UBE2E2: variants seen among roughly 807,000 people sequenced by gnomAD.
The protein encoded by UBE2E2 is ubiquitin-conjugating enzyme E2 E2.
A neutral mutation model predicts 24.7 loss-of-function variants in UBE2E2; 6 were observed. The ratio of observed to expected loss-of-function variants is 0.24; its 90% confidence interval spans 0.13 to 0.48. The LOEUF is 0.48. Ranked by LOEUF, UBE2E2 falls within the 20% of genes least tolerant of loss-of-function variation. The pLI is 0.99. For synonymous variants in UBE2E2, 104 were observed against 83.6 expected (o/e 1.24, Z -1.33); for missense variants, 169 against 245.0 (o/e 0.69, Z 2.07).
At chr3:23,337,488 A>G (rs1695244170) in intron 3 of UBE2E2, among the ~76,000 whole-genome samples, 1 of 152,188 alleles carries the variant, frequency 6.6e-6, no homozygotes, top group African/African-American at 2.4e-5. Context: ...TGAATTACAG[A>G]TGAGTTTAGC....
chr3:23,392,551 A>T (rs1284744811), intron 3 of UBE2E2, among the ~76,000 whole-genome samples: 1 of 152,196 alleles, frequency 6.6e-6, no homozygotes, highest in Non-Finnish European at 1.5e-5. Context: ...TATTAAGAGC[A>T]TCTACCTTAT....
At chr3:23,421,934 A>G (rs1697810779) in intron 3 of UBE2E2, among the ~76,000 whole-genome samples, 1 of 152,204 alleles carries the variant, frequency 6.6e-6, no homozygotes, top group African/African-American at 2.4e-5. Flanking sequence ...TTTCCCAAAT[A>G]ATAGCACAGT....
intron 5 of UBE2E2, among the ~76,000 whole-genome samples, chr3:23,555,650 AT>A (rs2125501127): frequency 6.6e-6 from 1 of 152,206 alleles, no homozygotes; most frequent in Admixed American, 6.5e-5. Context: ...ACTGTGGTGT[AT>A]ACATACATAC....
chr3:23,586,607 A>AT (rs1295218079), intron 5 of UBE2E2, among the ~76,000 whole-genome samples: 2 of 152,032 alleles, frequency 1.3e-5, no homozygotes, highest in Non-Finnish European at 2.9e-5. Flanking sequence ...CAATAACATG[A>AT]TTTTTTTAAT....
intron 3 of UBE2E2, among the ~76,000 whole-genome samples, chr3:23,445,879 G>C (rs2125412142): frequency 6.6e-6 from 1 of 152,272 alleles, no homozygotes; most frequent in South Asian, 2.1e-4. Flanking sequence ...TTTTCTAGCA[G>C]AAAGTTCTTC....
intron 3 of UBE2E2, among the ~76,000 whole-genome samples, chr3:23,337,801 G>A (rs1428258937): frequency 6.6e-6 from 1 of 152,184 alleles, no homozygotes; most frequent in African/African-American, 2.4e-5. Flanking sequence ...AGATCATGCA[G>A]TGTATTTTAG....
At chr3:23,246,951 G>A (rs766152663) in intron 3 of UBE2E2, among the ~76,000 whole-genome samples, 7 of 151,860 alleles carry the variant, frequency 4.6e-5, no homozygotes, top group Non-Finnish European at 8.8e-5. Context: ...CTGAGCTCAA[G>A]GGTTCTTCTT....
intron 3 of UBE2E2, among the ~76,000 whole-genome samples, chr3:23,241,677 C>A (rs1036730313): frequency 6.6e-6 from 1 of 152,114 alleles, no homozygotes. Flanking sequence ...GGAGTTAACA[C>A]CTCCTAACAT....
intron 3 of UBE2E2, among the ~76,000 whole-genome samples, chr3:23,380,517 G>T (rs1696642008): frequency 6.6e-6 from 1 of 152,180 alleles, no homozygotes; most frequent in South Asian, 2.1e-4. Context: ...AGCCACCGGT[G>T]CCCAGCCTCA....
chr3:23,425,722 G>T (rs370639564), intron 3 of UBE2E2, among the ~76,000 whole-genome samples: 1 of 152,108 alleles, frequency 6.6e-6, no homozygotes, highest in East Asian at 1.9e-4. Context: ...TAGGGGTGAC[G>T]AGTCATGAGA....
intron 4 of UBE2E2, among the ~76,000 whole-genome samples, chr3:23,521,976 G>T (rs1231456346): frequency 6.8e-6 from 1 of 146,422 alleles, no homozygotes; most frequent in Non-Finnish European, 1.5e-5. Flanking sequence ...GATTATTTGT[G>T]TACCTGTTTA....
upstream of UBE2E2, chr3:23,203,175 C>T: frequency 1.0e-6 from 1 of 985,714 alleles, no homozygotes; most frequent in Non-Finnish European, 1.2e-6. Context: ...TTCCAGGACT[C>T]AGGGGCAGCC....
intron 3 of UBE2E2, among the ~76,000 whole-genome samples, chr3:23,451,378 G>T (rs1486837478): frequency 6.6e-6 from 1 of 152,024 alleles, no homozygotes; most frequent in Non-Finnish European, 1.5e-5. Flanking sequence ...TGGCATCCTC[G>T]AAACATCCTG....
Position 23,589,913 on chromosome 3 carries a change from C to T in UBE2E2, c.*82C>T, listed in dbSNP as rs1431185832. On this transcript the variant is annotated 3_prime_UTR_variant, in exon 6 of 6. Transcript: ENST00000396703. The surrounding 1 kb of genome is among the most constrained non-coding windows in gnomAD (Gnocchi z 4.1). ...GGTAGCCCTGCCCACCCCTCCAGAC[C>T]TCGGTTCTTATTTTCCTATTTTTAT... 2 of 1,322,176 alleles carry T rather than the reference C, an allele frequency of 1.5e-6. No individual in the cohort carries two copies. Among genetic ancestry groups the T allele is most frequent in the Non-Finnish European group, 2.1e-6 (2 of 939,074 alleles). The allele number at this position is 1,322,176 out of a possible 1,614,324, so 81.9% of individuals were successfully genotyped here. A position where few individuals can be genotyped will look rare whatever the true frequency, so the allele number is the denominator to read the frequency against.
At chr3:23,373,329 G>T (rs1399551075) in intron 3 of UBE2E2, among the ~76,000 whole-genome samples, 3 of 152,126 alleles carry the variant, frequency 2.0e-5, no homozygotes, top group African/African-American at 7.2e-5. Flanking sequence ...TGTCCTGTGG[G>T]GTAAGCAGGA....
chr3:23,410,676 A>G (rs1463470383), intron 3 of UBE2E2, among the ~76,000 whole-genome samples: 1 of 152,208 alleles, frequency 6.6e-6, no homozygotes, highest in Non-Finnish European at 1.5e-5. Flanking sequence ...TGTATGTAGA[A>G]GTAGTATGAA....
chr3:23,349,935 A>G (rs1695685782), intron 3 of UBE2E2, among the ~76,000 whole-genome samples: 2 of 152,244 alleles, frequency 1.3e-5, no homozygotes, highest in Admixed American at 6.5e-5. Flanking sequence ...TGCCTCCTCA[A>G]GTGGGTCCCT....
rs1559413525 is a variant in UBE2E2 at position 23,532,572 on chromosome 3, A to G, written c.379A>G (p.Ile127Val). The part of the protein sequence containing the change: ...KPPKVTFRTR[I>V]YHCNINSQGV... The stretch of plus-strand genomic sequence containing the variant: ...CTTGTAGGTTACCTTCCGAACAAGA[A>G]TCTATCACTGTAATATTAACAGCCA... Residue 127 changes from isoleucine (I) to valine (V), a missense_variant, in exon 5 of 6, where the codon ATC (isoleucine) becomes GTC (valine). Coordinates refer to ENST00000396703, the MANE Select transcript of UBE2E2 (RefSeq NM_152653.4). 6.5e-7 allele frequency: 1 copy of G among 1,532,036 alleles called. No homozygotes were observed. The highest frequency in any genetic ancestry group is 8.9e-7 in the Non-Finnish European group (1 of 1,123,560). The allele number at this position is 1,532,036 out of a possible 1,614,324, so 94.9% of individuals were successfully genotyped here. A position where few individuals can be genotyped will look rare whatever the true frequency, so the allele number is the denominator to read the frequency against.
In UBE2E2 at chr3:23,369,717, C is replaced by G. The variant is rs116026529; in HGVS notation, c.228-129891C>G. The stretch of plus-strand genomic sequence containing the variant: ...ATTTTTGTCTTGTGTTAGAGGTAAG[C>G]ATTAAGGTCCTATGAGTCTCCTACT... On this transcript the variant is annotated intron_variant, in intron 3 of 5. Coordinates refer to ENST00000396703, the MANE Select transcript of UBE2E2 (RefSeq NM_152653.4). Among the ~76,000 whole-genome samples the G allele has an allele frequency of 8.4e-3, 1,275 of 152,238 alleles. 13 individuals are homozygous for G. Among genetic ancestry groups the G allele is most frequent in the African/African-American group, 0.029 (1,210 of 41,540 alleles).
Sources: gnomAD v4.1 joint callset for allele counts (sites outside exome capture counted in the v4.1 genomes callset) on GRCh38, gnomAD v4.1.1 for gene constraint, Gnocchi (gnomAD v3.1) non-coding constraint, MANE v1.5 for transcripts, NCBI Gene and HGNC (gene_info 2026-07-23, HGNC 2026-07-21) for gene names.